DSCAM: variants seen among roughly 807,000 people sequenced by gnomAD.
DSCAM encodes DS cell adhesion molecule.
In DSCAM, 47 loss-of-function variants were observed where a neutral mutation model predicts 217.7. That is an observed-to-expected ratio of 0.22 (90% CI 0.17 to 0.28). DSCAM has a LOEUF of 0.28. Ranked by LOEUF, DSCAM falls within the 10% of genes least tolerant of loss-of-function variation. The probability of loss-of-function intolerance (pLI) is 1.00; values close to 1 mark genes in which losing one functional copy is unlikely to be tolerated. For synonymous variants in DSCAM, 1,056 were observed against 1,015.3 expected (o/e 1.04, Z -0.76); for missense variants, 2,080 against 2,618.3 (o/e 0.79, Z 4.49).
chr21:40,112,939 A>G (rs1439996238), intron 20 of DSCAM, among the ~76,000 whole-genome samples: 1 of 152,188 alleles, frequency 6.6e-6, no homozygotes, highest in Non-Finnish European at 1.5e-5. Flanking sequence ...TTACCAACCA[A>G]AAAAAGTCCA....
At chr21:40,124,148 C>T (rs551502286) in intron 20 of DSCAM, 47 bp downstream of exon 20, 41 of 1,611,018 alleles carry the variant, frequency 2.5e-5, no homozygotes, top group African/African-American at 4.0e-5. Context: ...ACCTGCAGCT[C>T]GTCCCTGGCA....
At chr21:40,558,338 C>G (rs1460715859) in intron 3 of DSCAM, among the ~76,000 whole-genome samples, 1 of 152,054 alleles carries the variant, frequency 6.6e-6, no homozygotes, top group Non-Finnish European at 1.5e-5. Flanking sequence ...GTCCCAGCTA[C>G]TCAGCAGGCT....
chr21:40,353,797 T>C, intron 4 of DSCAM, 54 bp from the exon 5 acceptor site: 4 of 1,416,186 alleles, frequency 2.8e-6, no homozygotes, highest in Non-Finnish European at 3.7e-6. Flanking sequence ...GAAGTGGTCA[T>C]TTAGAATTGT....
intron 3 of DSCAM, among the ~76,000 whole-genome samples, chr21:40,576,607 CAGG>C (rs2076852292): frequency 6.6e-6 from 1 of 152,024 alleles, no homozygotes; most frequent in Non-Finnish European, 1.5e-5. Flanking sequence ...CTGTTTAACA[CAGG>C]AGAACAGAGA....
chr21:40,594,234 G>T (rs1344564658), intron 3 of DSCAM, among the ~76,000 whole-genome samples: 2 of 152,166 alleles, frequency 1.3e-5, no homozygotes, highest in Non-Finnish European at 2.9e-5. Flanking sequence ...TCCTAGATTT[G>T]GAACAATAAT....
chr21:40,772,165 T>C (rs2091450936), intron 1 of DSCAM, among the ~76,000 whole-genome samples: 1 of 152,122 alleles, frequency 6.6e-6, no homozygotes, highest in African/African-American at 2.4e-5. Context: ...AAAAGTGATT[T>C]GTTTCTGTTT....
chr21:40,088,095 T>C (rs1178568334), intron 21 of DSCAM, among the ~76,000 whole-genome samples: 1 of 152,182 alleles, frequency 6.6e-6, no homozygotes, highest in Non-Finnish European at 1.5e-5. Flanking sequence ...GGACATTACT[T>C]TCTGGGGTGT....
intron 3 of DSCAM, among the ~76,000 whole-genome samples, chr21:40,548,784 A>G (rs1321622097): frequency 6.6e-6 from 1 of 152,200 alleles, no homozygotes. Flanking sequence ...TGACTTTGGG[A>G]TATATAATTG....
intron 3 of DSCAM, among the ~76,000 whole-genome samples, chr21:40,628,769 AC>A (rs2089641004): frequency 6.6e-6 from 1 of 151,560 alleles, no homozygotes; most frequent in African/African-American, 2.4e-5. Context: ...GTTTTTTGAG[AC>A]AGGGTCTTGA....
chr21:40,813,627 T>C (rs1026668420), intron 1 of DSCAM, among the ~76,000 whole-genome samples: 1 of 151,556 alleles, frequency 6.6e-6, no homozygotes, highest in African/African-American at 2.4e-5. Context: ...GTTTTGAGGA[T>C]TTCTTTCTTT....
At chr21:40,761,302 A>C (rs1034241813) in intron 1 of DSCAM, among the ~76,000 whole-genome samples, 1 of 152,070 alleles carries the variant, frequency 6.6e-6, no homozygotes, top group Non-Finnish European at 1.5e-5. Flanking sequence ...TATCTTTTCT[A>C]GCTTCTAGAA....
chr21:40,727,235 A>C (rs946622611), intron 1 of DSCAM, among the ~76,000 whole-genome samples: 1 of 152,184 alleles, frequency 6.6e-6, no homozygotes, highest in Non-Finnish European at 1.5e-5. Context: ...AGACTTTAAA[A>C]AATCTGTTGA....
intron 3 of DSCAM, among the ~76,000 whole-genome samples, chr21:40,403,338 C>T (rs1442348275): frequency 6.6e-6 from 1 of 150,944 alleles, no homozygotes; most frequent in Non-Finnish European, 1.5e-5. Context: ...CACTCTGTCA[C>T]CCAGGCTGGA....
intron 3 of DSCAM, among the ~76,000 whole-genome samples, chr21:40,522,226 G>C (rs1436272267): frequency 1.3e-5 from 2 of 152,142 alleles, no homozygotes; most frequent in South Asian, 4.1e-4. Context: ...CAGAAACCCA[G>C]TACAAACTCA....
At chr21:40,191,930 G>A (rs1261826476) in intron 11 of DSCAM, among the ~76,000 whole-genome samples, 2 of 152,100 alleles carry the variant, frequency 1.3e-5, no homozygotes, top group Non-Finnish European at 2.9e-5. Context: ...CTACCCTAAT[G>A]CAGTATGATC....
intron 3 of DSCAM, among the ~76,000 whole-genome samples, chr21:40,471,500 G>T (rs2075888101): frequency 6.6e-6 from 1 of 152,202 alleles, no homozygotes; most frequent in Admixed American, 6.5e-5. Context: ...GTTACAGTCT[G>T]CTCCGAGGGC....
intron 3 of DSCAM, among the ~76,000 whole-genome samples, chr21:40,643,320 T>G (rs998119789): frequency 1.3e-5 from 2 of 152,170 alleles, no homozygotes; most frequent in Non-Finnish European, 2.9e-5. Flanking sequence ...AGAAACAACA[T>G]ATTTTACAAG....
intron 32 of DSCAM, among the ~76,000 whole-genome samples, chr21:40,014,014 G>A (rs1051035990): frequency 2.0e-5 from 3 of 152,238 alleles, no homozygotes; most frequent in Non-Finnish European, 2.9e-5. Flanking sequence ...GCTTAGACCA[G>A]AATTCTAGTG....
At chr21:40,166,990 A>G (rs1049669666) in intron 16 of DSCAM, among the ~76,000 whole-genome samples, 16 of 150,992 alleles carry the variant, frequency 1.1e-4, no homozygotes, top group African/African-American at 3.9e-4. Flanking sequence ...TCAAGGAAGA[A>G]AAAAAAAAAA....
Sources: gnomAD v4.1 joint callset for allele counts (sites outside exome capture counted in the v4.1 genomes callset) on GRCh38, gnomAD v4.1.1 for gene constraint, MANE v1.5 for transcripts, NCBI Gene and HGNC (gene_info 2026-07-23, HGNC 2026-07-21) for gene names.